The following CDC42EP4 variants were observed in gnomAD, a reference collection of about 807,000 sequenced individuals.
CDC42EP4 encodes CDC42 effector protein (Rho GTPase binding) 4.
A neutral mutation model predicts 5.6 loss-of-function variants in CDC42EP4; 6 were observed. That is an observed-to-expected ratio of 1.07 (90% CI 0.59 to 2.12). The LOEUF is 2.12. Among genes scored for constraint, CDC42EP4 ranks in the 30% most tolerant of loss-of-function variants. The pLI is 0.00. For synonymous variants in CDC42EP4, 230 were observed against 224.2 expected, an observed-to-expected ratio of 1.03 and a Z score of -0.23; for missense variants, 490 against 508.6, an observed-to-expected ratio of 0.96 and a Z score of 0.35.
In CDC42EP4 at chr17:73,296,959, C is replaced by T. The variant is rs370503836; in HGVS notation, c.-112-10347G>A. On this transcript the variant is annotated intron_variant, in intron 1 of 1. Transcript: ENST00000335793. Reference sequence around the variant, plus strand: ...TAGCGCCACTGCAGTCTGGCCTGGGCGAAAGAGCAAGACTCCGTCTCAAAA... The same window carrying T: ...TAGCGCCACTGCAGTCTGGCCTGGGTGAAAGAGCAAGACTCCGTCTCAAAA... Among the ~76,000 whole-genome samples, 8 of 74,508 alleles carry T rather than the reference C, an allele frequency of 1.1e-4. No individual in the cohort carries two copies. In the South Asian group the frequency reaches 3.3e-3, roughly 31 times the overall value. The allele number at this position is 74,508 out of a possible 152,430, so 48.9% of individuals were successfully genotyped here. A position where few individuals can be genotyped will look rare whatever the true frequency, so the allele number is the denominator to read the frequency against.
Position 73,304,761 on chromosome 17 carries a change from C to T in CDC42EP4, c.-113+7132G>A, listed in dbSNP as rs1462907173. Among the ~76,000 whole-genome samples, 8 of 152,240 alleles carry T rather than the reference C, an allele frequency of 5.3e-5. No individual in the cohort carries two copies. The South Asian group carries it at 1.0e-3, about 20-fold the overall frequency. On this transcript the variant is annotated intron_variant, in intron 1 of 1. Coordinates refer to ENST00000335793, the MANE Select transcript of CDC42EP4 (RefSeq NM_012121.5). ...TGGATGCATGAGTACACACAGGATACGCAGTTGTGCACACAATTTCAGGTT... is the reference window on the plus strand; with the variant it reads ...TGGATGCATGAGTACACACAGGATATGCAGTTGTGCACACAATTTCAGGTT...
intron 1 of CDC42EP4, among the ~76,000 whole-genome samples, chr17:73,304,270 T>TCTG (rs1240017284): frequency 7.1e-6 from 1 of 141,806 alleles, no homozygotes. Flanking sequence ...TCTCTTTTCT[T>TCTG]CTTCTTCTTT....
chr17:73,297,211 T>G (rs1255303466), intron 1 of CDC42EP4, among the ~76,000 whole-genome samples: 1 of 146,974 alleles, frequency 6.8e-6, no homozygotes, highest in South Asian at 2.2e-4. Context: ...GGAGAATCAC[T>G]TGAACCCGGG....
At chr17:73,294,368 A>G (rs546406037) in intron 1 of CDC42EP4, among the ~76,000 whole-genome samples, 2 of 151,478 alleles carry the variant, frequency 1.3e-5, no homozygotes, top group African/African-American at 4.8e-5. Flanking sequence ...AAACAAACAA[A>G]GAAACAAAAA....
Position 73,286,140 on chromosome 17 carries a change from G to A in CDC42EP4, c.361C>T (p.Gln121Ter). The change falls in exon 2 of 2, where the codon CAG becomes TAG. Residue 121 changes from glutamine (Q) to a stop codon, truncating the protein, a stop_gained. Transcript: ENST00000335793. LOFTEE classifies it low-confidence loss of function (END_TRUNC). This position sits in a 1 kb window ranked among gnomAD's most constrained non-coding sequence, Gnocchi z 7.7. ...TCCGCGGCCTCCTTCTCATTGAGCT[G>A]GGGCAGGGACATGGCATTCTTGACA... ...LFVKNAMSLP[Q>*]LNEKEAAEKG... The A allele has an allele frequency of 6.2e-7, 1 of 1,614,084 alleles. No individual in the cohort carries two copies. Among genetic ancestry groups the A allele is most frequent in the Non-Finnish European group, 8.5e-7 (1 of 1,180,038 alleles).
intron 1 of CDC42EP4, among the ~76,000 whole-genome samples, chr17:73,293,274 G>A (rs1158307109): frequency 6.6e-6 from 1 of 152,210 alleles, no homozygotes; most frequent in African/African-American, 2.4e-5. Flanking sequence ...AATGAAGGAG[G>A]GGAGCTGGAA....
intron 1 of CDC42EP4, among the ~76,000 whole-genome samples, chr17:73,302,915 G>C (rs1486080406): frequency 6.7e-6 from 1 of 150,066 alleles, no homozygotes; most frequent in Non-Finnish European, 1.5e-5. Context: ...ATGGTGGCGG[G>C]CACCTGTAGT....
intron 1 of CDC42EP4, among the ~76,000 whole-genome samples, chr17:73,298,152 T>C (rs1040782509): frequency 1.3e-5 from 2 of 152,186 alleles, no homozygotes; most frequent in Non-Finnish European, 1.5e-5. Flanking sequence ...ATCCGTACTC[T>C]GCCTCTCTTG....
At chr17:73,300,472 T>C (rs2062212805) in intron 1 of CDC42EP4, among the ~76,000 whole-genome samples, 1 of 152,172 alleles carries the variant, frequency 6.6e-6, no homozygotes, top group South Asian at 2.1e-4. Context: ...CTACTTCCAC[T>C]TTATGCCTTC....
In CDC42EP4 at chr17:73,286,065, T is replaced by C. The variant is rs1221033600; in HGVS notation, c.436A>G (p.Lys146Glu). 1.2e-6 allele frequency: 2 copies of C among 1,613,828 alleles called. No homozygotes were observed. Among genetic ancestry groups the C allele is most frequent in the Non-Finnish European group, 1.7e-6 (2 of 1,180,016 alleles). Reference sequence around the variant, plus strand: ...TCGCCGCCCTCCCCGTCATTGGCCTTCTTCACGGGGCTGGATGACAGGCTC... The same window carrying C: ...TCGCCGCCCTCCCCGTCATTGGCCTCCTTCACGGGGCTGGATGACAGGCTC... ...PKSLSSSPVK[K>E]ANDGEGGDEE... is the part of the protein sequence containing the mutation. The change falls in exon 2 of 2, where the codon AAG becomes GAG. Residue 146 changes from lysine (K) to glutamate (E), a missense_variant. Physicochemically the swap from Lys to Glu is moderately conservative, Grantham distance 56. Coordinates refer to ENST00000335793, the MANE Select transcript of CDC42EP4 (RefSeq NM_012121.5). This position sits in a 1 kb window ranked among gnomAD's most constrained non-coding sequence, Gnocchi z 7.7.
At chr17:73,308,148 G>GCA (rs2062254236) in intron 1 of CDC42EP4, among the ~76,000 whole-genome samples, 2 of 152,316 alleles carry the variant, frequency 1.3e-5, no homozygotes, top group African/African-American at 4.8e-5. Flanking sequence ...CCGAGAGAGG[G>GCA]CACGCATGGG....
intron 1 of CDC42EP4, among the ~76,000 whole-genome samples, chr17:73,288,355 C>T (rs528218792): frequency 1.3e-5 from 2 of 152,230 alleles, no homozygotes; most frequent in African/African-American, 4.8e-5. Context: ...GATTCTCTTG[C>T]CTCAGTCTCC....
At position 73,284,238 on chromosome 17, in the gene CDC42EP4, G is replaced by A. The variant is rs1454689805; in HGVS notation, c.*1192C>T. The A allele has an allele frequency of 1.3e-5, 2 of 152,242 alleles. No homozygotes were observed. The highest frequency in any genetic ancestry group is 1.9e-4 in the East Asian group (1 of 5,186). 9.4% of individuals were successfully genotyped at this position (152,242 alleles called of 1,614,324 possible). The stretch of plus-strand genomic sequence containing the variant: ...CAACCCTGGCCTCAAAAGTCGGTGG[G>A]GGGAGGCCTGAGAAAAGAAAGGGAA... On this transcript the variant is annotated 3_prime_UTR_variant, in exon 2 of 2. Coordinates refer to ENST00000335793, the MANE Select transcript of CDC42EP4 (RefSeq NM_012121.5).
At chr17:73,300,228 A>AC (rs1026072778) in intron 1 of CDC42EP4, among the ~76,000 whole-genome samples, 1 of 152,124 alleles carries the variant, frequency 6.6e-6, no homozygotes, top group African/African-American at 2.4e-5. Flanking sequence ...AACATCCTCT[A>AC]CTTTGATGGC....
chr17:73,295,308 C>A (rs1449139206), intron 1 of CDC42EP4, among the ~76,000 whole-genome samples: 1 of 152,134 alleles, frequency 6.6e-6, no homozygotes, highest in South Asian at 2.1e-4. Flanking sequence ...GGTGCTGGAG[C>A]CCAAGTCTCT....
chr17:73,289,902 A>C (rs1316107330), intron 1 of CDC42EP4, among the ~76,000 whole-genome samples: 1 of 152,142 alleles, frequency 6.6e-6, no homozygotes, highest in East Asian at 1.9e-4. Flanking sequence ...AAAGAGAAAA[A>C]GAAGCAGCAG....
chr17:73,299,443 ATACACACACACACAC>A lies in CDC42EP4; in HGVS notation c.-113+12435_-113+12449del, dbSNP rs1195913406. ...AGACTCCGTCCTAAAAAAAAAAAAAATACACACACACACACACACACACACACACACACACATTTT... is the reference window on the plus strand; with the variant it reads ...AGACTCCGTCCTAAAAAAAAAAAAAAACACACACACACACACACACATTTT... On this transcript the variant is annotated intron_variant, in intron 1 of 1. Transcript: ENST00000335793. Among the ~76,000 whole-genome samples, 495 of 113,476 alleles carry A rather than the reference ATACACACACACACAC, an allele frequency of 4.4e-3. 2 individuals are homozygous for A. Among genetic ancestry groups the A allele is most frequent in the African/African-American group, 0.015 (472 of 31,410 alleles). The allele number at this position is 113,476 out of a possible 152,430, so 74.4% of individuals were successfully genotyped here. A position where few individuals can be genotyped will look rare whatever the true frequency, so the allele number is the denominator to read the frequency against.
At chr17:73,296,307 ACT>A (rs2062185268) in intron 1 of CDC42EP4, among the ~76,000 whole-genome samples, 2 of 151,060 alleles carry the variant, frequency 1.3e-5, no homozygotes, top group African/African-American at 2.4e-5. Context: ...AATCCCAGCT[ACT>A]CAGGAGGCTG....
At chr17:73,299,020 A>G (rs1254194834) in intron 1 of CDC42EP4, among the ~76,000 whole-genome samples, 1 of 150,946 alleles carries the variant, frequency 6.6e-6, no homozygotes, top group Non-Finnish European at 1.5e-5. Flanking sequence ...TAGTGGTGCT[A>G]TCATGGCTCA....
Sources: allele counts gnomAD v4.1 joint callset (sites outside exome capture counted in the v4.1 genomes callset), GRCh38; gene constraint gnomAD v4.1.1; non-coding constraint Gnocchi (gnomAD v3.1); transcripts MANE v1.5; gene names NCBI Gene and HGNC (gene_info 2026-07-23, HGNC 2026-07-21).